The following RALGPS1 variants were observed in gnomAD, a reference collection of about 807,000 sequenced individuals.
The protein encoded by RALGPS1 is ras-specific guanine nucleotide-releasing factor RalGPS1.
A neutral mutation model predicts 78.8 loss-of-function variants in RALGPS1; 19 were observed. The observed-to-expected ratio is 0.24, with a 90% CI of 0.17 to 0.35. The LOEUF (loss-of-function observed/expected upper bound fraction) is 0.35. Among genes scored for constraint, RALGPS1 ranks in the 10% least tolerant of loss-of-function variants. RALGPS1 has a pLI of 1.00. For missense variants in RALGPS1, 454 were observed against 688.3 expected (o/e 0.66, Z 3.81); for synonymous variants, 228 against 256.3 (o/e 0.89, Z 1.06).
At chr9:127,195,503 G>A (rs1163109444) in intron 12 of RALGPS1, among the ~76,000 whole-genome samples, 1 of 152,174 alleles carries the variant, frequency 6.6e-6, no homozygotes, top group Non-Finnish European at 1.5e-5. Context: ...AGTAGCAGTG[G>A]CATTCCAGAG....
At chr9:127,103,771 G>A (rs1461920346) in intron 8 of RALGPS1, among the ~76,000 whole-genome samples, 1 of 152,218 alleles carries the variant, frequency 6.6e-6, no homozygotes, top group African/African-American at 2.4e-5. Flanking sequence ...GTGGTACCAG[G>A]AAGTAGAGCT....
chr9:127,166,591 C>T (rs1441684807), intron 9 of RALGPS1, among the ~76,000 whole-genome samples: 2 of 152,162 alleles, frequency 1.3e-5, no homozygotes, highest in Non-Finnish European at 2.9e-5. Flanking sequence ...TGCTGTCTCC[C>T]ATGGCCTCAG....
chr9:127,045,764 C>CAT (rs1408395359), intron 5 of RALGPS1, among the ~76,000 whole-genome samples: 19 of 16,708 alleles, frequency 1.1e-3, no homozygotes, highest in East Asian at 2.8e-3. Flanking sequence ...CACACACATA[C>CAT]ACACACACAC....
intron 5 of RALGPS1, among the ~76,000 whole-genome samples, chr9:127,048,192 C>A (rs2047983500): frequency 6.6e-6 from 1 of 152,070 alleles, no homozygotes; most frequent in African/African-American, 2.4e-5. Context: ...TTTCTCCCTC[C>A]CCACCCTCAT....
At chr9:127,062,391 C>T (rs781716543) in intron 7 of RALGPS1, among the ~76,000 whole-genome samples, 1 of 152,170 alleles carries the variant, frequency 6.6e-6, no homozygotes, top group African/African-American at 2.4e-5. Flanking sequence ...AGCTGCCGCG[C>T]CCGGCCAAGG....
At chr9:126,935,135 AC>A (rs1425298988) in intron 1 of RALGPS1, among the ~76,000 whole-genome samples, 1 of 151,700 alleles carries the variant, frequency 6.6e-6, no homozygotes, top group Admixed American at 6.6e-5. Flanking sequence ...CTTTCCTTAA[AC>A]CCTCATGACA....
chr9:127,147,310 C>T (rs1171067743), intron 8 of RALGPS1, among the ~76,000 whole-genome samples: 2 of 152,268 alleles, frequency 1.3e-5, no homozygotes, highest in South Asian at 4.1e-4. Context: ...TGAATATCAT[C>T]ACCCATTATG....
intron 1 of RALGPS1, among the ~76,000 whole-genome samples, chr9:126,961,653 G>A (rs1437265952): frequency 6.6e-6 from 1 of 152,142 alleles, no homozygotes; most frequent in Non-Finnish European, 1.5e-5. Context: ...ACAATTAGTG[G>A]AGCATGGTGG....
At chr9:127,070,561 A>G (rs1439163250) in intron 8 of RALGPS1, among the ~76,000 whole-genome samples, 1 of 152,176 alleles carries the variant, frequency 6.6e-6, no homozygotes, top group Non-Finnish European at 1.5e-5. Flanking sequence ...TTTCTCCCAC[A>G]TTACAAATAC....
chr9:127,097,583 A>G (rs1458557625), intron 8 of RALGPS1, among the ~76,000 whole-genome samples: 1 of 152,276 alleles, frequency 6.6e-6, no homozygotes, highest in Non-Finnish European at 1.5e-5. Flanking sequence ...TTAGTCAGAA[A>G]AAGAGTTAAC....
intron 11 of RALGPS1, among the ~76,000 whole-genome samples, chr9:127,185,020 G>C (rs1342043814): frequency 6.6e-6 from 1 of 152,190 alleles, no homozygotes; most frequent in African/African-American, 2.4e-5. Context: ...GCAGCCATGA[G>C]CACTATGCCC....
At chr9:127,046,481 A>G (rs2047786194) in intron 5 of RALGPS1, among the ~76,000 whole-genome samples, 1 of 152,208 alleles carries the variant, frequency 6.6e-6, no homozygotes, top group Admixed American at 6.5e-5. Context: ...CTTGAAAGAT[A>G]TGTTCAAGTT....
At chr9:127,039,199 G>A (rs537200533) in intron 5 of RALGPS1, among the ~76,000 whole-genome samples, 14 of 152,292 alleles carry the variant, frequency 9.2e-5, no homozygotes, top group South Asian at 8.3e-4. Flanking sequence ...ACATTTAAGG[G>A]ATGGGCAGAG....
chr9:127,128,016 C>T lies in RALGPS1; in HGVS notation c.611-38053C>T, dbSNP rs10115822. Among the ~76,000 whole-genome samples, 1,071 of 146,416 alleles carry T rather than the reference C, an allele frequency of 7.3e-3. 21 individuals carry two copies. The highest frequency in any genetic ancestry group is 0.026 in the African/African-American group (1,024 of 39,864). ...CATTAGGTATTTCTCCTAATGCTATCCCTCCCCCAGCCCCCCACCCCCCTC... is the reference window on the plus strand; with the variant it reads ...CATTAGGTATTTCTCCTAATGCTATTCCTCCCCCAGCCCCCCACCCCCCTC... On this transcript the variant is annotated intron_variant, in intron 8 of 18. Transcript: ENST00000259351.
intron 3 of RALGPS1, among the ~76,000 whole-genome samples, chr9:126,972,066 G>T (rs974320082): frequency 6.6e-6 from 1 of 152,178 alleles, no homozygotes; most frequent in African/African-American, 2.4e-5. Context: ...AGAACTGGTT[G>T]ATTCCAAGCC....
chr9:126,915,818 G>GA (rs1212542313), intron 1 of RALGPS1, among the ~76,000 whole-genome samples: 1 of 150,212 alleles, frequency 6.7e-6, no homozygotes, highest in African/African-American at 2.5e-5. Flanking sequence ...ATCGGTTGTT[G>GA]AAAAATGTGT....
chr9:127,078,389 T>A (rs2050870318), intron 8 of RALGPS1, among the ~76,000 whole-genome samples: 1 of 152,114 alleles, frequency 6.6e-6, no homozygotes, highest in Non-Finnish European at 1.5e-5. Flanking sequence ...ATTTTATGAA[T>A]GAAGAAAAAA....
chr9:127,107,206 C>T (rs1002161861), intron 8 of RALGPS1: 4 of 152,238 alleles, frequency 2.6e-5, no homozygotes, highest in African/African-American at 4.8e-5. Context: ...TTCATCCTGT[C>T]CGCAAGGAGC....
At chr9:126,976,152 T>C (rs968423190) in intron 3 of RALGPS1, among the ~76,000 whole-genome samples, 1 of 152,172 alleles carries the variant, frequency 6.6e-6, no homozygotes, top group Non-Finnish European at 1.5e-5. Context: ...ACATGTTCTT[T>C]AGAGCAACCT....
Sources: allele counts gnomAD v4.1 joint callset (sites outside exome capture counted in the v4.1 genomes callset), GRCh38; gene constraint gnomAD v4.1.1; transcripts MANE v1.5; gene names NCBI Gene and HGNC (gene_info 2026-07-23, HGNC 2026-07-21).